The following PTPN9 variants were observed in gnomAD, a reference collection of about 807,000 sequenced individuals.
PTPN9 encodes the protein tyrosine-protein phosphatase non-receptor type 9.
A neutral mutation model predicts 69.8 loss-of-function variants in PTPN9; 26 were observed. The ratio of observed to expected loss-of-function variants is 0.37; its 90% CI spans 0.27 to 0.52. The LOEUF (loss-of-function observed/expected upper bound fraction) is 0.52, where lower values mean the gene tolerates loss of function less well. PTPN9 is among the 20% of genes least tolerant of loss of function. The pLI is 0.91. For synonymous variants in PTPN9, 274 were observed against 272.5 expected, an observed-to-expected ratio of 1.01 and a Z score of -0.05; for missense variants, 549 against 740.3, an observed-to-expected ratio of 0.74 and a Z score of 3.00.
chr15:75,552,400 T>G (rs951740071), intron 1 of PTPN9, among the ~76,000 whole-genome samples: 11 of 151,962 alleles, frequency 7.2e-5, no homozygotes, highest in African/African-American at 2.4e-4. Context: ...AGAGGGAAAC[T>G]CCGTCTCAAA....
Position 75,464,694 on chromosome 15 carries a change from T to A in PTPN9, c.*4075A>T, listed in dbSNP as rs2074529878. The stretch of plus-strand genomic sequence containing the variant: ...GGCCCAATTCCCTCTAGGTCTCTGA[T>A]TTATAAAAGTTTTTGTATGTGTGTC... On this transcript the variant is annotated 3_prime_UTR_variant, in exon 13 of 13. Transcript: ENST00000618819. 1 of 152,170 alleles carries A rather than the reference T, an allele frequency of 6.6e-6. No individual in the cohort carries two copies. The highest frequency in any genetic ancestry group is 6.5e-5 in the Admixed American group (1 of 15,270). 9.4% of individuals were successfully genotyped at this position (152,170 alleles called of 1,614,324 possible). A position where few individuals can be genotyped will look rare whatever the true frequency, so the allele number is the denominator to read the frequency against.
At chr15:75,554,001 C>T (rs1285831382) in intron 1 of PTPN9, among the ~76,000 whole-genome samples, 6 of 108,456 alleles carry the variant, frequency 5.5e-5, no homozygotes, top group Non-Finnish European at 1.1e-4. Context: ...CCAATACTTT[C>T]TTTCTTTTTT....
intron 11 of PTPN9, among the ~76,000 whole-genome samples, chr15:75,470,459 G>T (rs2074558125): frequency 6.6e-6 from 1 of 152,166 alleles, no homozygotes; most frequent in Non-Finnish European, 1.5e-5. Context: ...CCCAGCCCCA[G>T]ATTTCTAAAA....
intron 1 of PTPN9, among the ~76,000 whole-genome samples, chr15:75,554,554 T>C (rs2075069330): frequency 6.6e-6 from 1 of 150,968 alleles, no homozygotes; most frequent in Non-Finnish European, 1.5e-5. Context: ...CTCAAACTCC[T>C]GGACTCAAGT....
In PTPN9 at chr15:75,505,851, G is replaced by C. The variant is rs754307529; in HGVS notation, c.792C>G (p.Ile264Met). The change falls in exon 7 of 13, where the codon ATC (isoleucine) becomes ATG (methionine). Residue 264 changes from isoleucine to methionine, a missense_variant. Physicochemically the swap from Ile to Met is conservative, Grantham distance 10 (BLOSUM62 1). Coordinates refer to ENST00000618819, the MANE Select transcript of PTPN9 (RefSeq NM_002833.4). ...VNGHPDPFDE[I>M]ILFSLPPALD... is the part of the protein sequence containing the mutation. ...AGGCAGGAGGGAGGGAGAACAGGAT[G>C]ATCTCATCGAAGGGATCTGGGTGGC... 5.0e-6 allele frequency: 8 copies of C among 1,614,188 alleles called. No individual in the cohort carries two copies. The South Asian group carries it at 8.8e-5, about 18-fold the overall frequency.
At chr15:75,485,523 C>T (rs1040948813) in intron 8 of PTPN9, among the ~76,000 whole-genome samples, 19 of 150,656 alleles carry the variant, frequency 1.3e-4, no homozygotes, top group Admixed American at 9.9e-4. Flanking sequence ...CGCCCGCCAC[C>T]GCGCCCGGCT....
At chr15:75,492,023 C>A (rs2074713661) in intron 7 of PTPN9, among the ~76,000 whole-genome samples, 1 of 152,130 alleles carries the variant, frequency 6.6e-6, no homozygotes, top group South Asian at 2.1e-4. Flanking sequence ...CAGATGCACA[C>A]CACCACGCCC....
chr15:75,495,773 A>G (rs926469637), intron 7 of PTPN9, among the ~76,000 whole-genome samples: 1 of 152,106 alleles, frequency 6.6e-6, no homozygotes, highest in African/African-American at 2.4e-5. Context: ...AGAATGAGGA[A>G]CATATACAGA....
rs543248026 is a variant in PTPN9, at chr15:75,577,988, C to G, written c.63+726G>C. ...GGGCCCCCAAAATGAGACAGCAAAC[C>G]ACTTCCTTCTGAAAACTAAAGGTCA... On this transcript the variant is annotated intron_variant, in intron 1 of 12. Coordinates refer to ENST00000618819, the MANE Select transcript of PTPN9 (RefSeq NM_002833.4). Among the ~76,000 whole-genome samples the G allele has an allele frequency of 3.3e-5, 5 of 152,242 alleles. No homozygotes were observed. In the East Asian group the frequency reaches 9.7e-4, roughly 29 times the overall value.
intron 7 of PTPN9, among the ~76,000 whole-genome samples, chr15:75,494,133 T>C (rs1426304770): frequency 3.3e-5 from 1 of 30,444 alleles, no homozygotes; most frequent in African/African-American, 1.8e-4. Flanking sequence ...ATCAATCCCA[T>C]ATATATATAT....
At chr15:75,528,772 C>G (rs1318674877) in intron 1 of PTPN9, among the ~76,000 whole-genome samples, 4 of 149,942 alleles carry the variant, frequency 2.7e-5, no homozygotes, top group African/African-American at 9.9e-5. Context: ...ACAATTACTG[C>G]TCATTGCAGC....
chr15:75,509,071 G>T, intron 5 of PTPN9, 44 bp from the exon 6 acceptor site: 2 of 1,500,128 alleles, frequency 1.3e-6, no homozygotes, highest in Non-Finnish European at 1.9e-6. Context: ...TGGAACCTGT[G>T]ACTCTTCAAG....
At chr15:75,546,450 T>A (rs1448145883) in intron 1 of PTPN9, among the ~76,000 whole-genome samples, 1 of 152,056 alleles carries the variant, frequency 6.6e-6, no homozygotes, top group Admixed American at 6.6e-5. Context: ...AAGACCAGCC[T>A]GGCTAACATG....
At chr15:75,520,970 G>C (rs2074902111) in intron 4 of PTPN9, among the ~76,000 whole-genome samples, 1 of 151,932 alleles carries the variant, frequency 6.6e-6, no homozygotes, top group East Asian at 2.0e-4. Context: ...TCAGCCTTCC[G>C]TGAGTGTCTG....
chr15:75,517,302 T>C lies in PTPN9; in HGVS notation c.485A>G (p.Asn162Ser), dbSNP rs1277376034. The change falls in exon 5 of 13, where the codon AAC (asparagine) becomes AGC (serine). Residue 162 changes from asparagine to serine, a missense_variant. Around this residue, in one of 3 missense-constraint regions of PTPN9, gnomAD observed 457 missense variants for 661.9 expected, o/e 0.69. Coordinates refer to ENST00000618819, the MANE Select transcript of PTPN9 (RefSeq NM_002833.4). ...TTTCTTGCCAAGATCCAGCTCAAAG[T>C]TGGCATAATTAGAACCACACATGTC... ...IYDMCGSNYA[N>S]FELDLGKKVL... The C allele has an allele frequency of 1.2e-6, 2 of 1,613,948 alleles. No homozygotes were observed. The highest frequency in any genetic ancestry group is 1.3e-5 in the African/African-American group (1 of 74,924).
At chr15:75,525,777 G>C (rs1203123450) in intron 2 of PTPN9, among the ~76,000 whole-genome samples, 1 of 151,486 alleles carries the variant, frequency 6.6e-6, no homozygotes, top group African/African-American at 2.4e-5. Flanking sequence ...AAATTAGCCA[G>C]GTATGGTGGT....
At chr15:75,472,028 C>A (rs945124217) in intron 10 of PTPN9, among the ~76,000 whole-genome samples, 1 of 152,164 alleles carries the variant, frequency 6.6e-6, no homozygotes, top group Non-Finnish European at 1.5e-5. Flanking sequence ...TACCTCCTCT[C>A]CAAATAAGTG....
intron 1 of PTPN9, among the ~76,000 whole-genome samples, chr15:75,545,799 A>C (rs1376259943): frequency 6.6e-6 from 1 of 152,148 alleles, no homozygotes; most frequent in Non-Finnish European, 1.5e-5. Flanking sequence ...AAATACAAAA[A>C]TTAGCTGGGT....
chr15:75,544,499 C>T (rs1240134878), intron 1 of PTPN9, among the ~76,000 whole-genome samples: 1 of 152,150 alleles, frequency 6.6e-6, no homozygotes, highest in East Asian at 1.9e-4. Flanking sequence ...CACTGTGTTC[C>T]AGCCTGGGTG....
Sources: gnomAD v4.1 joint callset for allele counts (sites outside exome capture counted in the v4.1 genomes callset) on GRCh38, gnomAD v4.1.1 for gene constraint, gnomAD v4.1.1 regional missense constraint, MANE v1.5 for transcripts, NCBI Gene and HGNC (gene_info 2026-07-23, HGNC 2026-07-21) for gene names.